Variants in BCAS1 observed in about 807,000 individuals in gnomAD.
The protein encoded by BCAS1 is brain enriched myelin associated protein 1, also known as breast carcinoma-amplified sequence 1.
Under a neutral mutation model 65.4 loss-of-function variants are expected in BCAS1, and 46 were observed. The ratio of observed to expected loss-of-function variants is 0.70; its 90% CI spans 0.55 to 0.90. BCAS1 has a LOEUF of 0.90. Among genes scored for constraint, BCAS1 ranks in the 40% least tolerant of loss-of-function variants. BCAS1 has a pLI of 0.00. For synonymous variants in BCAS1, 298 were observed against 293.5 expected (o/e 1.02, Z -0.16); for missense variants, 793 against 771.2 (o/e 1.03, Z -0.33).
chr20:53,950,338 T>G (rs1277427065), intron 12 of BCAS1, among the ~76,000 whole-genome samples: 1 of 152,164 alleles, frequency 6.6e-6, no homozygotes, highest in Non-Finnish European at 1.5e-5. Context: ...GAAAGAGCCT[T>G]GCTCTCTTCC....
At chr20:54,066,142 G>A (rs1459210201) in intron 1 of BCAS1, among the ~76,000 whole-genome samples, 1 of 150,526 alleles carries the variant, frequency 6.6e-6, no homozygotes, top group Non-Finnish European at 1.5e-5. Flanking sequence ...GCGCCATTTC[G>A]GCTCACTGCA....
At chr20:54,049,820 C>T (rs1251970374) in intron 3 of BCAS1, among the ~76,000 whole-genome samples, 1 of 152,192 alleles carries the variant, frequency 6.6e-6, no homozygotes, top group Non-Finnish European at 1.5e-5. Flanking sequence ...TCCAGTTTTA[C>T]AGATGAGACT....
chr20:53,965,001 T>C (rs373822039), intron 10 of BCAS1, among the ~76,000 whole-genome samples: 1 of 152,194 alleles, frequency 6.6e-6, no homozygotes. Context: ...ATTTGTAAGT[T>C]AGATGAGTTG....
At chr20:53,986,779 C>T (rs908965622) in intron 7 of BCAS1, among the ~76,000 whole-genome samples, 2 of 152,056 alleles carry the variant, frequency 1.3e-5, no homozygotes, top group African/African-American at 2.4e-5. Flanking sequence ...CACCTGTGGT[C>T]CCAGCTACTT....
At chr20:53,972,996 G>C (rs6127042) in intron 9 of BCAS1, among the ~76,000 whole-genome samples, 16 of 152,330 alleles carry the variant, frequency 1.1e-4, no homozygotes, top group African/African-American at 3.8e-4. Flanking sequence ...GAGAGGCCAA[G>C]GTGGGCGGAT....
At position 53,957,337 on chromosome 20, in the gene BCAS1, T is replaced by C; in HGVS notation, c.1551+95A>G. 5 of 1,147,232 alleles carry C rather than the reference T, an allele frequency of 4.4e-6. No individual in the cohort carries two copies. In the South Asian group the frequency reaches 5.0e-5, roughly 12 times the overall value. 71.1% of individuals were successfully genotyped at this position (1,147,232 alleles called of 1,614,324 possible). ...GCTTAATCCTGAGATATTAAATGAG[T>C]TGGCTGTGGCTGAGAATTTTATTGA... On this transcript the variant is annotated intron_variant, in intron 11 of 12. Transcript: ENST00000688948.
chr20:53,962,990 A>G (rs1276490369), intron 10 of BCAS1, among the ~76,000 whole-genome samples: 2 of 151,806 alleles, frequency 1.3e-5, no homozygotes, highest in Admixed American at 6.6e-5. Context: ...AGCTGGGACT[A>G]CAGGCGCCCG....
chr20:54,032,865 C>T lies in BCAS1; in HGVS notation c.143-3893G>A, dbSNP rs185525187. Among the ~76,000 whole-genome samples, 398 of 151,176 alleles carry T rather than the reference C, an allele frequency of 2.6e-3. 9 individuals carry two copies. Among genetic ancestry groups the T allele is most frequent in the African/African-American group, 9.4e-3 (390 of 41,422 alleles). ...CTTCAAACAGACTTAGACTCCCACA[C>T]AATAGTAGTGGGAGACTTTAATACC... On this transcript the variant is annotated intron_variant, in intron 3 of 12. Transcript: ENST00000688948.
intron 1 of BCAS1, among the ~76,000 whole-genome samples, chr20:54,063,808 A>G (rs576451349): frequency 1.3e-5 from 2 of 151,934 alleles, no homozygotes; most frequent in South Asian, 4.1e-4. Flanking sequence ...ATTTCTCAAA[A>G]AGGAGAAAAA....
At chr20:54,023,568 A>AT (rs1424352636) in intron 4 of BCAS1, among the ~76,000 whole-genome samples, 1 of 152,214 alleles carries the variant, frequency 6.6e-6, no homozygotes, top group East Asian at 1.9e-4. Context: ...TATCAAGTCA[A>AT]TTTTTGATAA....
chr20:54,042,749 G>T (rs1176029002), intron 3 of BCAS1, among the ~76,000 whole-genome samples: 1 of 152,178 alleles, frequency 6.6e-6, no homozygotes, highest in East Asian at 1.9e-4. Flanking sequence ...CATCCATTAA[G>T]AAATGAAGAA....
At chr20:54,010,239 G>A (rs1022844070) in intron 4 of BCAS1, among the ~76,000 whole-genome samples, 1 of 151,956 alleles carries the variant, frequency 6.6e-6, no homozygotes, top group African/African-American at 2.4e-5. Context: ...AGTATATTAA[G>A]GCAAGAAAAT....
Position 53,995,956 on chromosome 20 carries a change from T to A in BCAS1, c.818A>T (p.Asp273Val), listed in dbSNP as rs780345711. Residue 273 changes from aspartate (D) to valine (V), a missense_variant, in exon 5 of 13, where the codon GAC becomes GTC. Transcript: ENST00000688948. ...TGCTATAGCTGCTGCCTGGGAATCGTCCTTTGCAGTCTCCAGTCCTTCTGG... is the reference window on the plus strand; with the variant it reads ...TGCTATAGCTGCTGCCTGGGAATCGACCTTTGCAGTCTCCAGTCCTTCTGG... ...GDPEGLETAK[D>V]DSQAAAIAEN... The A allele has an allele frequency of 1.2e-6, 2 of 1,613,762 alleles. No homozygotes were observed. The highest frequency in any genetic ancestry group is 1.7e-4 in the Middle Eastern group (1 of 6,060).
intron 12 of BCAS1, among the ~76,000 whole-genome samples, chr20:53,948,791 G>GA (rs1002035346): frequency 6.6e-6 from 1 of 152,164 alleles, no homozygotes; most frequent in African/African-American, 2.4e-5. Context: ...GCTCCAAGAT[G>GA]ACCTAGGACT....
At chr20:54,015,737 G>A (rs1205379119) in intron 4 of BCAS1, among the ~76,000 whole-genome samples, 1 of 152,146 alleles carries the variant, frequency 6.6e-6, no homozygotes, top group Non-Finnish European at 1.5e-5. Context: ...ATTGTTAGAG[G>A]AAAATAACCT....
intron 2 of BCAS1, 133 bp downstream of exon 2, chr20:54,058,514 C>T (rs2092331489): frequency 9.0e-6 from 13 of 1,450,778 alleles, no homozygotes; most frequent in Non-Finnish European, 1.2e-5. Flanking sequence ...GTTATCCTCG[C>T]TCCACTGTCT....
chr20:54,065,765 G>A (rs1901551420), intron 1 of BCAS1, among the ~76,000 whole-genome samples: 1 of 152,170 alleles, frequency 6.6e-6, no homozygotes, highest in Non-Finnish European at 1.5e-5. Context: ...CTGGCCATAT[G>A]CATAAGCCCT....
At chr20:53,966,009 A>G (rs1240690817) in intron 10 of BCAS1, among the ~76,000 whole-genome samples, 2 of 152,238 alleles carry the variant, frequency 1.3e-5, no homozygotes, top group Non-Finnish European at 2.9e-5. Flanking sequence ...TGAAAACGGA[A>G]CACTTTTACA....
chr20:53,971,893 T>C (rs1158501402), intron 9 of BCAS1, among the ~76,000 whole-genome samples: 15 of 152,246 alleles, frequency 9.9e-5, no homozygotes, highest in Admixed American at 9.8e-4. Context: ...ATATTTTTTT[T>C]ATTACAACTG....
Sources: allele counts gnomAD v4.1 joint callset (sites outside exome capture counted in the v4.1 genomes callset), GRCh38; gene constraint gnomAD v4.1.1; transcripts MANE v1.5; gene names NCBI Gene and HGNC (gene_info 2026-07-23, HGNC 2026-07-21).